KCNC2: variants seen among roughly 807,000 people sequenced by gnomAD.
The protein encoded by KCNC2 is potassium voltage-gated channel subfamily C member 2, also known as voltage-gated potassium channel KCNC2.
Under a neutral mutation model 44.5 loss-of-function variants are expected in KCNC2, and 21 were observed. The ratio of observed to expected loss-of-function variants is 0.47; its 90% confidence interval spans 0.33 to 0.68. The LOEUF is 0.68. KCNC2 is among the 30% of genes least tolerant of loss of function. The probability of loss-of-function intolerance (pLI) is 0.01; values close to 1 mark genes in which losing one functional copy is unlikely to be tolerated. For missense variants in KCNC2, 589 were observed against 826.2 expected, an observed-to-expected ratio of 0.71 and a Z score of 3.52; for synonymous variants, 391 against 339.1, an observed-to-expected ratio of 1.15 and a Z score of -1.68.
intron 2 of KCNC2, among the ~76,000 whole-genome samples, chr12:75,071,576 AT>A (rs1883405533): frequency 6.6e-6 from 1 of 152,164 alleles, no homozygotes; most frequent in African/African-American, 2.4e-5. Context: ...ACCCAATAAA[AT>A]TTTTCTGATT....
At chr12:75,172,639 C>G (rs1173236484) in intron 2 of KCNC2, among the ~76,000 whole-genome samples, 1 of 151,866 alleles carries the variant, frequency 6.6e-6, no homozygotes, top group Non-Finnish European at 1.5e-5. Context: ...ACTGGGAAAC[C>G]TTTTCAATTT....
intron 2 of KCNC2, among the ~76,000 whole-genome samples, chr12:75,087,723 T>C (rs916832987): frequency 6.6e-6 from 1 of 152,006 alleles, no homozygotes; most frequent in African/African-American, 2.4e-5. Flanking sequence ...AGCCTGAAAA[T>C]GCAAAGCATA....
intron 2 of KCNC2, among the ~76,000 whole-genome samples, chr12:75,070,357 A>C (rs891202871): frequency 2.5e-4 from 38 of 149,664 alleles, no homozygotes; most frequent in African/African-American, 9.2e-4. Flanking sequence ...AGGCTGAGGC[A>C]GGAGAATCAC....
intron 2 of KCNC2, among the ~76,000 whole-genome samples, chr12:75,133,061 G>A (rs1165396776): frequency 1.3e-5 from 2 of 151,888 alleles, no homozygotes; most frequent in Non-Finnish European, 2.9e-5. Context: ...AAAAATCGAT[G>A]ATAGACTTTA....
chr12:75,090,017 C>A (rs139160190), intron 2 of KCNC2, among the ~76,000 whole-genome samples: 3 of 151,826 alleles, frequency 2.0e-5, no homozygotes, highest in Admixed American at 6.6e-5. Flanking sequence ...CAGTTTAAGA[C>A]TTTCCAATAA....
intron 2 of KCNC2, among the ~76,000 whole-genome samples, chr12:75,132,153 C>T (rs1031530753): frequency 4.6e-5 from 7 of 151,532 alleles, no homozygotes; most frequent in Non-Finnish European, 8.8e-5. Flanking sequence ...AGCAATATAC[C>T]CCTCATAGCC....
intron 2 of KCNC2, among the ~76,000 whole-genome samples, chr12:75,069,704 T>C (rs1213727937): frequency 6.6e-6 from 1 of 152,198 alleles, no homozygotes; most frequent in Non-Finnish European, 1.5e-5. Context: ...AAGCATGCCC[T>C]TCCTCACCTT....
chr12:75,049,392 A>G (rs1230833295), intron 3 of KCNC2, among the ~76,000 whole-genome samples: 1 of 152,154 alleles, frequency 6.6e-6, no homozygotes, highest in Non-Finnish European at 1.5e-5. Flanking sequence ...AATGAAATTT[A>G]TCTAAGTTAT....
chr12:75,121,949 AC>A (rs1888074850), intron 2 of KCNC2, among the ~76,000 whole-genome samples: 1 of 58 alleles, frequency 0.017, no homozygotes, highest in Admixed American at 0.1. Context: ...TTGAACACTG[AC>A]TCAGTGGACT....
Position 75,042,697 on chromosome 12 carries a change from C to A in KCNC2, c.*408G>T. 5.9e-6 allele frequency: 7 copies of A among 1,182,768 alleles called. No homozygotes were observed. The South Asian group carries it at 1.0e-4, about 17-fold the overall frequency. The allele number at this position is 1,182,768 out of a possible 1,614,324, so 73.3% of individuals were successfully genotyped here. A position where few individuals can be genotyped will look rare whatever the true frequency, so the allele number is the denominator to read the frequency against. On this transcript the variant is annotated 3_prime_UTR_variant, in exon 5 of 5. Transcript: ENST00000549446. ...TGACACAAGTCATGTCGTGTGCAATCAAGATAGGATCCCAGACATCTTCAG... is the reference window on the plus strand; with the variant it reads ...TGACACAAGTCATGTCGTGTGCAATAAAGATAGGATCCCAGACATCTTCAG...
intron 2 of KCNC2, among the ~76,000 whole-genome samples, chr12:75,106,801 G>A (rs1001288251): frequency 1.3e-5 from 2 of 152,062 alleles, no homozygotes; most frequent in Non-Finnish European, 1.5e-5. Flanking sequence ...TACTACTATG[G>A]AGAAAGCAGA....
chr12:75,116,891 G>C (rs183473374), intron 2 of KCNC2, among the ~76,000 whole-genome samples: 1 of 152,078 alleles, frequency 6.6e-6, no homozygotes, highest in Non-Finnish European at 1.5e-5. Context: ...ACAGCTTTGC[G>C]TTCATCATCT....
At chr12:75,120,695 C>T (rs1325031266) in intron 2 of KCNC2, among the ~76,000 whole-genome samples, 1 of 152,114 alleles carries the variant, frequency 6.6e-6, no homozygotes, top group Non-Finnish European at 1.5e-5. Flanking sequence ...TTATTAATTA[C>T]CCTCCCAGGA....
intron 2 of KCNC2, among the ~76,000 whole-genome samples, chr12:75,191,453 A>G (rs1254873546): frequency 6.7e-6 from 1 of 148,980 alleles, no homozygotes; most frequent in African/African-American, 2.4e-5. Flanking sequence ...TTAACTATAA[A>G]GACACCTCAT....
chr12:75,076,038 TACACACACACACAC>T (rs71078709), intron 2 of KCNC2, among the ~76,000 whole-genome samples: 12 of 141,418 alleles, frequency 8.5e-5, no homozygotes, highest in South Asian at 2.3e-4. Flanking sequence ...TAATGTTACA[TACACACACACACAC>T]ACACACACAC....
chr12:75,043,328 T>TA, intron 4 of KCNC2, 87 bp from the exon 5 acceptor site: 1 of 1,515,046 alleles, frequency 6.6e-7, no homozygotes, highest in Non-Finnish European at 8.8e-7. Context: ...TCAAAAGTGC[T>TA]ACTTTCAAGC....
At chr12:75,065,342 T>C (rs1191633636) in intron 2 of KCNC2, among the ~76,000 whole-genome samples, 1 of 152,032 alleles carries the variant, frequency 6.6e-6, no homozygotes. Context: ...ATTTGGTGTA[T>C]TGGTATGCCT....
chr12:75,106,153 A>G (rs1220476998), intron 2 of KCNC2, among the ~76,000 whole-genome samples: 1 of 152,150 alleles, frequency 6.6e-6, no homozygotes, highest in Non-Finnish European at 1.5e-5. Flanking sequence ...CTGTTGATGA[A>G]TCTCAGTGTT....
intron 2 of KCNC2, among the ~76,000 whole-genome samples, chr12:75,122,960 A>C (rs1888148199): frequency 6.6e-6 from 1 of 152,098 alleles, no homozygotes; most frequent in East Asian, 1.9e-4. Flanking sequence ...ATATTGTTTA[A>C]ATTGAGTTTT....
Sources: gnomAD v4.1 joint callset for allele counts (sites outside exome capture counted in the v4.1 genomes callset) on GRCh38, gnomAD v4.1.1 for gene constraint, MANE v1.5 for transcripts, NCBI Gene and HGNC (gene_info 2026-07-23, HGNC 2026-07-21) for gene names.